MYO1D: variants seen among roughly 807,000 people sequenced by gnomAD.
MYO1D encodes myosin ID, also known as unconventional myosin-Id.
MYO1D carries 83 observed loss-of-function variants against 122.0 expected under a neutral mutation model. The observed-to-expected ratio is 0.68, with a 90% CI of 0.57 to 0.82. The LOEUF (loss-of-function observed/expected upper bound fraction) is 0.82. MYO1D is among the 40% of genes least tolerant of loss of function. MYO1D has a pLI of 0.00. For synonymous variants in MYO1D, 464 were observed against 446.9 expected, an observed-to-expected ratio of 1.04 and a Z score of -0.48; for missense variants, 1,157 against 1,269.5, an observed-to-expected ratio of 0.91 and a Z score of 1.35.
chr17:32,590,060 CTG>C (rs2087424696), intron 21 of MYO1D, among the ~76,000 whole-genome samples: 1 of 152,192 alleles, frequency 6.6e-6, no homozygotes, highest in Non-Finnish European at 1.5e-5. Flanking sequence ...TAGGTGACAT[CTG>C]TGTCTTCAGG....
chr17:32,761,704 C>T (rs2090003847), intron 8 of MYO1D, among the ~76,000 whole-genome samples: 1 of 152,106 alleles, frequency 6.6e-6, no homozygotes, highest in African/African-American at 2.4e-5. Flanking sequence ...AGTCTCTGAG[C>T]TCCTGACTCA....
At chr17:32,850,642 A>G (rs1470021560) in intron 1 of MYO1D, among the ~76,000 whole-genome samples, 1 of 152,244 alleles carries the variant, frequency 6.6e-6, no homozygotes, top group Non-Finnish European at 1.5e-5. Flanking sequence ...CACAGGAATA[A>G]CACAGTAGAG....
In MYO1D at chr17:32,736,498, A is replaced by G. The variant is rs140243076; in HGVS notation, c.1746+1755T>C. On this transcript the variant is annotated intron_variant, in intron 14 of 21. Coordinates refer to ENST00000318217, the MANE Select transcript of MYO1D (RefSeq NM_015194.3). ...AGGACAGAAAGAACTTGGGTCTCTA[A>G]TAACTTTGGAGCTGCCATGCCAGTC... Among the ~76,000 whole-genome samples the G allele has an allele frequency of 4.3e-3, 653 of 151,166 alleles. 24 individuals carry two copies. The East Asian group carries it at 0.075, about 17-fold the overall frequency.
At chr17:32,772,147 A>C (rs1261074845) in intron 5 of MYO1D, among the ~76,000 whole-genome samples, 3 of 152,198 alleles carry the variant, frequency 2.0e-5, no homozygotes, top group Non-Finnish European at 4.4e-5. Flanking sequence ...GATTTACATT[A>C]ATTTGGGCTT....
intron 21 of MYO1D, chr17:32,594,291 T>A (rs2087468434): frequency 5.9e-6 from 2 of 338,592 alleles, no homozygotes. Context: ...AAAGTTAACA[T>A]GTTGCCCATT....
intron 15 of MYO1D, among the ~76,000 whole-genome samples, chr17:32,714,519 A>G (rs148627267): frequency 6.6e-6 from 1 of 152,198 alleles, no homozygotes; most frequent in Non-Finnish European, 1.5e-5. Context: ...TATTGTGAAT[A>G]GTGCTGCAAT....
chr17:32,640,268 T>A (rs1410641012), intron 19 of MYO1D, among the ~76,000 whole-genome samples: 3 of 152,226 alleles, frequency 2.0e-5, no homozygotes, highest in Admixed American at 6.5e-5. Context: ...TTGGCACTTG[T>A]CAGAAAACTT....
chr17:32,497,777 A>C (rs1244956859), intron 21 of MYO1D: 1 of 152,362 alleles, frequency 6.6e-6, no homozygotes, highest in East Asian at 1.9e-4. Flanking sequence ...ACTCTGCTGA[A>C]ATGAAGGTTC....
chr17:32,743,728 C>T (rs1406549581), intron 13 of MYO1D, among the ~76,000 whole-genome samples: 1 of 152,022 alleles, frequency 6.6e-6, no homozygotes, highest in African/African-American at 2.4e-5. Flanking sequence ...TGCCATTCTC[C>T]TGCCTCAGCC....
intron 16 of MYO1D, among the ~76,000 whole-genome samples, chr17:32,683,521 A>G (rs562924892): frequency 1.8e-3 from 272 of 152,166 alleles, no homozygotes; most frequent in Admixed American, 2.3e-3. Context: ...GTGAGGTGTC[A>G]GTGTGCCCCT....
chr17:32,672,885 C>T (rs2088742088), intron 16 of MYO1D, among the ~76,000 whole-genome samples: 1 of 151,828 alleles, frequency 6.6e-6, no homozygotes, highest in African/African-American at 2.4e-5. Context: ...AGAGATGTGG[C>T]CACTGAGAGG....
In MYO1D at chr17:32,677,580, A is replaced by AATATATATATATAT. The variant is rs10523328; in HGVS notation, c.2122-18256_2122-18243dup. On this transcript the variant is annotated intron_variant, in intron 16 of 21. Coordinates refer to ENST00000318217, the MANE Select transcript of MYO1D (RefSeq NM_015194.3). ...TCATCAGGGGATATATAGATAGATA[A>AATATATATATATAT]ATATATATATATATATATATATATA... Among the ~76,000 whole-genome samples, 8 of 135,896 alleles carry AATATATATATATAT rather than the reference A, an allele frequency of 5.9e-5. 1 individual carries two copies. Among genetic ancestry groups the AATATATATATATAT allele is most frequent in the Admixed American group, 3.1e-4 (4 of 13,014 alleles). The allele number at this position is 135,896 out of a possible 152,430, so 89.2% of individuals were successfully genotyped here.
intron 17 of MYO1D, 110 bp from the exon 18 acceptor site, chr17:32,654,731 T>A (rs2088451688): frequency 1.9e-6 from 2 of 1,039,780 alleles, no homozygotes; most frequent in Non-Finnish European, 2.6e-6. Context: ...CAGGCTGGAG[T>A]GCATGGCATG....
chr17:32,812,208 G>A (rs2151051198), intron 1 of MYO1D, among the ~76,000 whole-genome samples: 1 of 152,334 alleles, frequency 6.6e-6, no homozygotes, highest in African/African-American at 2.4e-5. Context: ...GAGAGGACAG[G>A]AGTGCAGAAA....
intron 16 of MYO1D, among the ~76,000 whole-genome samples, chr17:32,660,743 G>A (rs2088552320): frequency 6.6e-6 from 1 of 152,212 alleles, no homozygotes; most frequent in African/African-American, 2.4e-5. Context: ...TGTGGCGTCA[G>A]TACAGCAGCC....
At chr17:32,745,826 T>C (rs567402094) in intron 12 of MYO1D, 1 of 153,046 alleles carries the variant, frequency 6.5e-6, no homozygotes, top group Admixed American at 6.5e-5. Context: ...CCAGTATAGA[T>C]GGTTTGGAAG....
At chr17:32,777,546 T>C (rs2090186897) in intron 3 of MYO1D, among the ~76,000 whole-genome samples, 1 of 152,218 alleles carries the variant, frequency 6.6e-6, no homozygotes, top group Non-Finnish European at 1.5e-5. Flanking sequence ...AAATACTATG[T>C]GCCAGCTGCT....
intron 14 of MYO1D, among the ~76,000 whole-genome samples, chr17:32,725,388 C>T (rs1373365002): frequency 1.3e-5 from 2 of 152,024 alleles, no homozygotes; most frequent in Non-Finnish European, 2.9e-5. Flanking sequence ...GGCATGGTGG[C>T]ACGCTCCTGT....
chr17:32,610,522 A>T (rs535346273), intron 20 of MYO1D, among the ~76,000 whole-genome samples: 7 of 152,130 alleles, frequency 4.6e-5, no homozygotes, highest in African/African-American at 7.2e-5. Context: ...CTGGGTGTTA[A>T]TCCCAATTCA....
Sources: gnomAD v4.1 joint callset for allele counts (sites outside exome capture counted in the v4.1 genomes callset) on GRCh38, gnomAD v4.1.1 for gene constraint, MANE v1.5 for transcripts, NCBI Gene and HGNC (gene_info 2026-07-23, HGNC 2026-07-21) for gene names.